RLN2: variants seen among roughly 807,000 people sequenced by gnomAD.
The protein encoded by RLN2 is relaxin 2, also known as prorelaxin H2.
A neutral mutation model predicts 7.3 loss-of-function variants in RLN2; 10 were observed. The ratio of observed to expected loss-of-function variants is 1.36; its 90% CI spans 0.84 to 2.31. The LOEUF (loss-of-function observed/expected upper bound fraction) is 2.31, where lower values mean the gene tolerates loss of function less well. RLN2 is among the 30% of genes most tolerant of loss of function. The probability of loss-of-function intolerance (pLI) is 0.00; values close to 1 mark genes in which losing one functional copy is unlikely to be tolerated. For synonymous variants in RLN2, 103 were observed against 82.3 expected, an observed-to-expected ratio of 1.25 and a Z score of -1.36; for missense variants, 298 against 217.6, an observed-to-expected ratio of 1.37 and a Z score of -2.32.
the RLN2 span, among the ~76,000 whole-genome samples, chr9:5,316,834 G>C: frequency 6.6e-6 from 1 of 151,966 alleles, no homozygotes; most frequent in South Asian, 2.1e-4. Context: ...GGGTCAAATG[G>C]TATTTCTGGT....
At chr9:5,322,071 G>A in the RLN2 span, among the ~76,000 whole-genome samples, 40 of 152,158 alleles carry the variant, frequency 2.6e-4, no homozygotes, top group African/African-American at 8.4e-4. Context: ...GAATGGATGG[G>A]TACAGCAAAG....
chr9:5,325,408 C>T, the RLN2 span, among the ~76,000 whole-genome samples: 2 of 152,058 alleles, frequency 1.3e-5, no homozygotes, highest in African/African-American at 4.8e-5. Flanking sequence ...AAAACTTTGT[C>T]TAACACTATT....
chr9:5,326,750 G>A, the RLN2 span, among the ~76,000 whole-genome samples: 1 of 152,014 alleles, frequency 6.6e-6, no homozygotes, highest in Non-Finnish European at 1.5e-5. Context: ...AGGAGGACAG[G>A]AAAATTAAGT....
chr9:5,335,205 A>C, the RLN2 span: 2 of 1,198,018 alleles, frequency 1.7e-6, no homozygotes, highest in Middle Eastern at 2.0e-4. Flanking sequence ...AATGTCATCA[A>C]GACTATGTGT....
chr9:5,333,027 A>G, the RLN2 span, among the ~76,000 whole-genome samples: 1 of 152,090 alleles, frequency 6.6e-6, no homozygotes, highest in Non-Finnish European at 1.5e-5. Context: ...AGATCACAGT[A>G]TTAACCAGAA....
chr9:5,315,791 T>C, the RLN2 span, among the ~76,000 whole-genome samples: 1 of 152,046 alleles, frequency 6.6e-6, no homozygotes, highest in Admixed American at 6.6e-5. Flanking sequence ...GATGAGATGA[T>C]ACATTCAAAG....
chr9:5,302,864 TAC>T (rs1174441149), intron 1 of RLN2, among the ~76,000 whole-genome samples: 1 of 138,712 alleles, frequency 7.2e-6, no homozygotes. Flanking sequence ...AAAAGATATA[TAC>T]ATATACCTAT....
intron 1 of RLN2, among the ~76,000 whole-genome samples, chr9:5,302,470 A>C (rs1265217183): frequency 6.6e-6 from 1 of 152,216 alleles, no homozygotes; most frequent in East Asian, 1.9e-4. Flanking sequence ...AACTCAAATT[A>C]ATCACAAATT....
the RLN2 span, chr9:5,311,804 A>ATTT: frequency 1.8e-6 from 1 of 549,534 alleles, no homozygotes; most frequent in Middle Eastern, 5.3e-4. Flanking sequence ...AAAATGCAGA[A>ATTT]TTTTTTTTTT....
At chr9:5,317,411 C>G in the RLN2 span, among the ~76,000 whole-genome samples, 6 of 150,252 alleles carry the variant, frequency 4.0e-5, no homozygotes, top group Non-Finnish European at 7.4e-5. Flanking sequence ...GAGACTGCAT[C>G]ATTGCACTCC....
At chr9:5,330,326 A>C in the RLN2 span, among the ~76,000 whole-genome samples, 15 of 152,032 alleles carry the variant, frequency 9.9e-5, no homozygotes, top group East Asian at 1.7e-3. Flanking sequence ...TAAAATTGAC[A>C]CTCTAACATC....
rs377215597 is a variant in RLN2 at position 5,300,258 on chromosome 9, A to G, written c.398T>C (p.Ile133Thr). 4.7e-5 allele frequency: 76 copies of G among 1,613,970 alleles called. No homozygotes were observed. In the South Asian group the frequency reaches 6.0e-4, roughly 13 times the overall value. ...SLLFEEFKKL[I>T]RNRQSEAADS... ...TGCGGCTTCACTTTGTCTATTGCGAATAAGTTTCTTAAATTCTTCAAAGAG... is the reference window on the plus strand; with the variant it reads ...TGCGGCTTCACTTTGTCTATTGCGAGTAAGTTTCTTAAATTCTTCAAAGAG... Residue 133 changes from isoleucine (I) to threonine (T), a missense_variant, in exon 2 of 2, where the codon ATT (isoleucine) becomes ACT (threonine). By Grantham distance (89) the Ile-to-Thr change is moderately conservative. Transcript: ENST00000381627.
chr9:5,321,654 G>A, the RLN2 span, among the ~76,000 whole-genome samples: 1 of 151,788 alleles, frequency 6.6e-6, no homozygotes, highest in Non-Finnish European at 1.5e-5. Flanking sequence ...AGAAAAAGAG[G>A]AAGAAAAAGG....
upstream of RLN2, among the ~76,000 whole-genome samples, chr9:5,306,107 T>TG (rs1299999418): frequency 2.9e-5 from 4 of 139,114 alleles, no homozygotes; most frequent in African/African-American, 9.0e-5. Context: ...TTTTTGTTTT[T>TG]TGTTTTTTTT....
chr9:5,316,100 A>T, the RLN2 span, among the ~76,000 whole-genome samples: 1 of 152,068 alleles, frequency 6.6e-6, no homozygotes, highest in Non-Finnish European at 1.5e-5. Flanking sequence ...TATCTTTAGC[A>T]TGAAGGTTAA....
chr9:5,318,298 A>G, the RLN2 span, among the ~76,000 whole-genome samples: 1 of 152,076 alleles, frequency 6.6e-6, no homozygotes, highest in African/African-American at 2.4e-5. Context: ...TCCTCCTACC[A>G]TGAACAAAGT....
chr9:5,328,525 G>C, the RLN2 span, among the ~76,000 whole-genome samples: 35 of 151,962 alleles, frequency 2.3e-4, no homozygotes, highest in Non-Finnish European at 1.6e-4. Context: ...AATCTAGCAA[G>C]GCAGGCCAAC....
upstream of RLN2, among the ~76,000 whole-genome samples, chr9:5,307,752 G>T (rs1026834403): frequency 2.0e-5 from 3 of 152,070 alleles, no homozygotes; most frequent in Admixed American, 1.3e-4. Flanking sequence ...CCAGATGACA[G>T]GTGGCCTCTG....
chr9:5,337,704 TA>T, the RLN2 span, among the ~76,000 whole-genome samples: 17 of 152,162 alleles, frequency 1.1e-4, 1 homozygote, highest in East Asian at 2.3e-3. Context: ...ACATTTATCT[TA>T]ATCCCACGTG....
Sources: gnomAD v4.1 joint callset for allele counts (sites outside exome capture counted in the v4.1 genomes callset) on GRCh38, gnomAD v4.1.1 for gene constraint, MANE v1.5 for transcripts, NCBI Gene and HGNC (gene_info 2026-07-23, HGNC 2026-07-21) for gene names.